The following MYT1L variants were observed in gnomAD, a reference collection of about 807,000 sequenced individuals.
MYT1L encodes the protein myelin transcription factor 1-like protein.
In MYT1L, 12 loss-of-function variants were observed where a neutral mutation model predicts 126.7. The observed-to-expected ratio is 0.09, with a 90% CI of 0.06 to 0.15. The LOEUF is 0.15. Among genes scored for constraint, MYT1L ranks in the 10% least tolerant of loss-of-function variants. MYT1L has a pLI of 1.00. For missense variants in MYT1L, 979 were observed against 1,585.2 expected (o/e 0.62, Z 6.49); for synonymous variants, 541 against 604.2 (o/e 0.90, Z 1.53).
At chr2:2,026,312 C>T (rs142345481) in intron 4 of MYT1L, among the ~76,000 whole-genome samples, 2,358 of 152,188 alleles carry the variant, frequency 0.015, 55 homozygotes, top group African/African-American at 0.05. Context: ...CATCTCTGCC[C>T]GCACCAGAGG....
intron 1 of MYT1L, among the ~76,000 whole-genome samples, chr2:2,322,104 A>C (rs1430063113): frequency 6.6e-6 from 1 of 152,180 alleles, no homozygotes; most frequent in Admixed American, 6.5e-5. Flanking sequence ...ACATGACAGT[A>C]CTGAATTTTA....
intron 3 of MYT1L, among the ~76,000 whole-genome samples, chr2:2,115,489 C>G (rs543759871): frequency 9.2e-5 from 14 of 152,340 alleles, no homozygotes; most frequent in African/African-American, 2.9e-4. Context: ...CGTATTGACT[C>G]TATTTATAGA....
intron 3 of MYT1L, among the ~76,000 whole-genome samples, chr2:2,155,726 C>CG (rs1559167610): frequency 1.3e-5 from 2 of 152,266 alleles, no homozygotes; most frequent in African/African-American, 4.8e-5. Flanking sequence ...CCCACTGTGT[C>CG]GGGGGGATGC....
At chr2:1,918,380 T>C (rs903036616) in intron 10 of MYT1L, among the ~76,000 whole-genome samples, 5 of 152,198 alleles carry the variant, frequency 3.3e-5, no homozygotes, top group African/African-American at 9.6e-5. Context: ...CACCAACAGA[T>C]AGCGATTATT....
At chr2:2,132,572 CG>C in intron 3 of MYT1L, among the ~76,000 whole-genome samples, 1 of 37,524 alleles carries the variant, frequency 2.7e-5, no homozygotes, top group African/African-American at 1.1e-4. Context: ...TGGGGCCTGT[CG>C]GGGGGTGGGG....
rs1438336641 is a variant in MYT1L at position 1,910,904 on chromosome 2, G to A, written c.1710-557C>T. The stretch of plus-strand genomic sequence containing the variant: ...TAGGACTGCAATAAAATGTTTTGTG[G>A]AGCCAAATAGTTCAGGCTTAGTCTA... On this transcript the variant is annotated intron_variant, in intron 12 of 24. Coordinates refer to ENST00000647738, the MANE Select transcript of MYT1L (RefSeq NM_001303052.2). This position sits in a 1 kb window ranked among gnomAD's most constrained non-coding sequence, Gnocchi z 4.8. Among the ~76,000 whole-genome samples, 3 of 152,216 alleles carry A rather than the reference G, an allele frequency of 2.0e-5. No homozygotes were observed. The highest frequency in any genetic ancestry group is 4.4e-5 in the Non-Finnish European group (3 of 68,042).
At chr2:2,305,706 C>T (rs2095849087) in intron 1 of MYT1L, among the ~76,000 whole-genome samples, 1 of 152,154 alleles carries the variant, frequency 6.6e-6, no homozygotes, top group African/African-American at 2.4e-5. Context: ...AACTTACTAT[C>T]ATGGTGGAAG....
intron 18 of MYT1L, among the ~76,000 whole-genome samples, chr2:1,862,748 G>A (rs549205899): frequency 6.6e-6 from 1 of 152,334 alleles, no homozygotes; most frequent in Non-Finnish European, 1.5e-5. Flanking sequence ...TGGAGCACCT[G>A]CTGCAAACGC....
At chr2:1,867,836 TC>T (rs2045791620) in intron 18 of MYT1L, among the ~76,000 whole-genome samples, 1 of 152,222 alleles carries the variant, frequency 6.6e-6, no homozygotes, top group Non-Finnish European at 1.5e-5. Flanking sequence ...TTAATTTGTT[TC>T]CCCAAAACTG....
intron 2 of MYT1L, among the ~76,000 whole-genome samples, chr2:2,260,776 C>G (rs1308883270): frequency 6.6e-6 from 1 of 152,020 alleles, no homozygotes; most frequent in Non-Finnish European, 1.5e-5. Flanking sequence ...TATTTCCCAG[C>G]CCATGTGGCA....
intron 2 of MYT1L, among the ~76,000 whole-genome samples, chr2:2,235,382 G>T (rs1429428538): frequency 1.6e-5 from 1 of 63,068 alleles, no homozygotes; most frequent in Non-Finnish European, 3.1e-5. Flanking sequence ...GTGTAGAGGG[G>T]TGTGTGTAGC....
intron 4 of MYT1L, among the ~76,000 whole-genome samples, chr2:2,049,891 A>C (rs907724363): frequency 6.6e-6 from 1 of 152,106 alleles, no homozygotes; most frequent in African/African-American, 2.4e-5. Context: ...TTTTCTTCAT[A>C]AGTTGCCCAG....
At chr2:2,040,956 T>C (rs2067460322) in intron 4 of MYT1L, among the ~76,000 whole-genome samples, 1 of 152,134 alleles carries the variant, frequency 6.6e-6, no homozygotes, top group Non-Finnish European at 1.5e-5. Context: ...ATAGGAACAC[T>C]CAAATAAGGC....
chr2:2,274,340 AG>A (rs2095319976), intron 2 of MYT1L, among the ~76,000 whole-genome samples: 1 of 92,164 alleles, frequency 1.1e-5, no homozygotes. Flanking sequence ...GAAGGGAGGG[AG>A]GGAGGGTAGG....
chr2:2,315,398 G>C (rs1332388553), intron 1 of MYT1L, among the ~76,000 whole-genome samples: 1 of 152,020 alleles, frequency 6.6e-6, no homozygotes, highest in African/African-American at 2.4e-5. Context: ...TTTGTATTGG[G>C]GGTTTGGTTT....
At chr2:1,983,710 C>G (rs1426794633) in intron 5 of MYT1L, among the ~76,000 whole-genome samples, 1 of 152,230 alleles carries the variant, frequency 6.6e-6, no homozygotes, top group African/African-American at 2.4e-5. Flanking sequence ...GGCGTTTAAA[C>G]CGTTCATTTG....
At chr2:1,951,733 C>A (rs895227324) in intron 8 of MYT1L, among the ~76,000 whole-genome samples, 2 of 152,194 alleles carry the variant, frequency 1.3e-5, no homozygotes, top group African/African-American at 4.8e-5. Flanking sequence ...GAAAAACAGT[C>A]CACATGAAAC....
chr2:2,057,738 A>G (rs72767358), intron 3 of MYT1L, among the ~76,000 whole-genome samples: 6,446 of 152,306 alleles, frequency 0.042, 205 homozygotes, highest in Non-Finnish European at 0.065. Flanking sequence ...CTTATTCAGC[A>G]TAATTCTCTG....
At chr2:2,287,326 T>C (rs2095536753) in intron 1 of MYT1L, among the ~76,000 whole-genome samples, 1 of 151,138 alleles carries the variant, frequency 6.6e-6, no homozygotes, top group African/African-American at 2.5e-5. Flanking sequence ...ACTTTAGGTA[T>C]TAAATTTTTA....
Sources: gnomAD v4.1 joint callset for allele counts (sites outside exome capture counted in the v4.1 genomes callset) on GRCh38, gnomAD v4.1.1 for gene constraint, Gnocchi (gnomAD v3.1) non-coding constraint, MANE v1.5 for transcripts, NCBI Gene and HGNC (gene_info 2026-07-23, HGNC 2026-07-21) for gene names.